The following COL4A4 variants were observed in gnomAD, a reference collection of about 807,000 sequenced individuals.
The protein encoded by COL4A4 is collagen type IV alpha 4 chain.
In COL4A4, 105 loss-of-function variants were observed where a neutral mutation model predicts 192.9. The observed-to-expected ratio is 0.54, with a 90% CI of 0.46 to 0.64. The LOEUF is 0.64. Among genes scored for constraint, COL4A4 ranks in the 30% least tolerant of loss-of-function variants. The probability of loss-of-function intolerance (pLI) is 0.00; values close to 1 mark genes in which losing one functional copy is unlikely to be tolerated. For missense variants in COL4A4, 1,967 were observed against 2,169.3 expected, an observed-to-expected ratio of 0.91 and a Z score of 1.85; for synonymous variants, 762 against 769.9, an observed-to-expected ratio of 0.99 and a Z score of 0.17.
At chr2:227,059,186 G>A (rs1976248613) in intron 28 of COL4A4, among the ~76,000 whole-genome samples, 2 of 152,198 alleles carry the variant, frequency 1.3e-5, no homozygotes, top group Admixed American at 1.3e-4. Context: ...ATGAACCACA[G>A]TGAGCTGCCC....
At chr2:226,975,750 A>ACTG in the COL4A4 span, among the ~76,000 whole-genome samples, 1 of 152,236 alleles carries the variant, frequency 6.6e-6, no homozygotes, top group Non-Finnish European at 1.5e-5. Context: ...TGCCTTGTGT[A>ACTG]CTGACATATT....
intron 30 of COL4A4, 73 bp downstream of exon 30, chr2:227,055,872 T>G: frequency 7.4e-7 from 1 of 1,348,132 alleles, no homozygotes; most frequent in African/African-American, 1.5e-5. Flanking sequence ...TGTGGTCATC[T>G]GTCCAGTCTT....
At chr2:227,012,104 A>T in intron 45 of COL4A4, 77 bp downstream of exon 45, 5 of 1,204,026 alleles carry the variant, frequency 4.2e-6, no homozygotes, top group African/African-American at 1.5e-5. Context: ...TTGGAAAGCC[A>T]CTTGAGAGAT....
chr2:227,024,266 T>G (rs577533556), intron 43 of COL4A4, among the ~76,000 whole-genome samples: 1 of 152,340 alleles, frequency 6.6e-6, no homozygotes, highest in South Asian at 2.1e-4. Context: ...ATCCCAGCAC[T>G]TTGGGAGGCC....
the COL4A4 span, among the ~76,000 whole-genome samples, chr2:226,986,590 T>C: frequency 1.6e-4 from 25 of 152,332 alleles, no homozygotes; most frequent in African/African-American, 6.0e-4. Flanking sequence ...AAGCTCATCA[T>C]CACTGGTCAT....
the COL4A4 span, among the ~76,000 whole-genome samples, chr2:226,979,550 C>T: frequency 2.6e-5 from 4 of 152,056 alleles, no homozygotes; most frequent in African/African-American, 9.7e-5. Flanking sequence ...TTGGCTGGCT[C>T]ATCATATTCA....
At chr2:227,041,818 A>AAG (rs1223541401) in intron 37 of COL4A4, among the ~76,000 whole-genome samples, 5 of 38,556 alleles carry the variant, frequency 1.3e-4, no homozygotes, top group Admixed American at 6.2e-4. Flanking sequence ...GAAAGAAAGA[A>AAG]AGAAAGAAAG....
At chr2:227,011,806 A>G (rs1250295580) in intron 45 of COL4A4, among the ~76,000 whole-genome samples, 1 of 152,166 alleles carries the variant, frequency 6.6e-6, no homozygotes, top group African/African-American at 2.4e-5. Context: ...GAACACACAC[A>G]CCGTCCCTGA....
Position 227,109,476 on chromosome 2 carries a change from C to T in COL4A4, c.595-190G>A, listed in dbSNP as rs559384850. On this transcript the variant is annotated intron_variant, in intron 9 of 47. Coordinates refer to ENST00000396625, the MANE Select transcript of COL4A4 (RefSeq NM_000092.5). ...AAAAGGGCACCAAGCAGTCCGGGCA[C>T]GGTGGTTCACACCTGTAATCCCAGC... 1.6e-4 allele frequency: 110 copies of T among 699,322 alleles called. 4 individuals carry two copies. Among genetic ancestry groups the T allele is most frequent in the South Asian group, 1.6e-3 (105 of 66,836 alleles). The allele number at this position is 699,322 out of a possible 1,614,324, so 43.3% of individuals were successfully genotyped here. A position where few individuals can be genotyped will look rare whatever the true frequency, so the allele number is the denominator to read the frequency against.
chr2:227,126,075 C>G (rs537230640), intron 4 of COL4A4, among the ~76,000 whole-genome samples: 1 of 152,164 alleles, frequency 6.6e-6, no homozygotes, highest in Admixed American at 6.5e-5. Context: ...ATTCGAAAAT[C>G]AATAAACAGA....
chr2:227,093,790 G>T (rs1000686549), intron 20 of COL4A4, among the ~76,000 whole-genome samples: 7 of 151,592 alleles, frequency 4.6e-5, no homozygotes, highest in African/African-American at 1.7e-4. Flanking sequence ...TCGACAAATC[G>T]GCTCTCCCTG....
chr2:227,041,779 GAAGGAAGGGAAAGAAA>G lies in COL4A4; in HGVS notation c.3505+353_3505+368del, dbSNP rs1454220039. ...GGAAGGAAGGAAGGAAGGAAGGAAGGAAGGAAGGGAAAGAAAGAAAGAAAGGAAGAAAGAAAGAAAG... is the reference window on the plus strand; with the variant it reads ...GGAAGGAAGGAAGGAAGGAAGGAAGGGAAAGAAAGGAAGAAAGAAAGAAAG... On this transcript the variant is annotated intron_variant, in intron 37 of 47. Coordinates refer to ENST00000396625, the MANE Select transcript of COL4A4 (RefSeq NM_000092.5). Among the ~76,000 whole-genome samples, 20 of 62,520 alleles carry G rather than the reference GAAGGAAGGGAAAGAAA, an allele frequency of 3.2e-4. 1 individual carries two copies. The highest frequency in any genetic ancestry group is 2.9e-4 in the Non-Finnish European group (9 of 31,178). The allele number at this position is 62,520 out of a possible 152,430, so 41.0% of individuals were successfully genotyped here.
intron 34 of COL4A4, among the ~76,000 whole-genome samples, chr2:227,049,753 A>G (rs1207348900): frequency 6.6e-6 from 1 of 152,180 alleles, no homozygotes; most frequent in African/African-American, 2.4e-5. Flanking sequence ...GCCCACTGAC[A>G]TGGATCTGTT....
chr2:227,159,966 T>C (rs1216209852), intron 1 of COL4A4, among the ~76,000 whole-genome samples: 1 of 152,202 alleles, frequency 6.6e-6, no homozygotes, highest in Non-Finnish European at 1.5e-5. Flanking sequence ...TATAATAAAG[T>C]TCTGGACAAA....
intron 25 of COL4A4, among the ~76,000 whole-genome samples, chr2:227,068,991 C>T (rs1413752690): frequency 1.3e-5 from 2 of 148,880 alleles, no homozygotes; most frequent in African/African-American, 2.5e-5. Flanking sequence ...CCAAAATCTC[C>T]TTAAGCTGAT....
Position 227,069,705 on chromosome 2 carries a change from T to C in COL4A4, c.1988-7107A>G, listed in dbSNP as rs182830842. Among the ~76,000 whole-genome samples, 663 of 152,272 alleles carry C rather than the reference T, an allele frequency of 4.4e-3. 7 individuals are homozygous for C. Among genetic ancestry groups the C allele is most frequent in the African/African-American group, 0.015 (606 of 41,558 alleles). ...AACCAGATCCCTTCCTTACACCTTA[T>C]ACAAAAATCAATTCAAGACGGATTA... On this transcript the variant is annotated intron_variant, in intron 25 of 47. Coordinates refer to ENST00000396625, the MANE Select transcript of COL4A4 (RefSeq NM_000092.5).
chr2:227,030,975 T>C (rs978185558), intron 40 of COL4A4, among the ~76,000 whole-genome samples: 1 of 149,148 alleles, frequency 6.7e-6, no homozygotes, highest in Non-Finnish European at 1.5e-5. Flanking sequence ...GATAGGTGGA[T>C]AGACGGTTGG....
In COL4A4 at chr2:227,123,880, C is replaced by T. The variant is rs2061941203; in HGVS notation, c.193-2732G>A. Among the ~76,000 whole-genome samples the T allele has an allele frequency of 6.6e-6, 1 of 152,206 alleles. No individual in the cohort carries two copies. The highest frequency in any genetic ancestry group is 2.1e-4 in the South Asian group (1 of 4,828). On this transcript the variant is annotated intron_variant, in intron 4 of 47. Transcript: ENST00000396625. This position sits in a 1 kb window ranked among gnomAD's most constrained non-coding sequence, Gnocchi z 4.6. ...AGTGAGCACCCAGGCTATGCGTCAG[C>T]CTCCTGGGTTTGAAGCCCAGGACCA...
At chr2:227,159,700 C>T (rs887494042) in intron 1 of COL4A4, among the ~76,000 whole-genome samples, 6 of 152,148 alleles carry the variant, frequency 3.9e-5, no homozygotes, top group Admixed American at 1.3e-4. Flanking sequence ...CTTCCCCCTT[C>T]GCTCAGCACT....
Sources: gnomAD v4.1 joint callset for allele counts (sites outside exome capture counted in the v4.1 genomes callset) on GRCh38, gnomAD v4.1.1 for gene constraint, Gnocchi (gnomAD v3.1) non-coding constraint, MANE v1.5 for transcripts, NCBI Gene and HGNC (gene_info 2026-07-23, HGNC 2026-07-21) for gene names.